PALLD: variants seen among roughly 807,000 people sequenced by gnomAD.
PALLD encodes the protein palladin, cytoskeletal associated protein.
A neutral mutation model predicts 123.5 loss-of-function variants in PALLD; 61 were observed. The observed-to-expected ratio is 0.49, with a 90% CI of 0.40 to 0.61. The LOEUF (loss-of-function observed/expected upper bound fraction) is 0.61. PALLD is among the 20% of genes least tolerant of loss of function. The pLI, the probability that PALLD is intolerant of heterozygous loss-of-function variation, is 0.00. For missense variants in PALLD, 1,273 were observed against 1,377.0 expected (o/e 0.92, Z 1.20); for synonymous variants, 465 against 496.4 (o/e 0.94, Z 0.84).
intron 2 of PALLD, chr4:168,631,536 G>C: frequency 3.5e-6 from 3 of 847,036 alleles, no homozygotes; most frequent in Non-Finnish European, 4.3e-6. Context: ...TTCCTCCCCA[G>C]GACACACCCT....
At chr4:168,847,802 T>G (rs1406073470) in intron 10 of PALLD, among the ~76,000 whole-genome samples, 1 of 152,134 alleles carries the variant, frequency 6.6e-6, no homozygotes, top group African/African-American at 2.4e-5. Flanking sequence ...ATCCTTTGTA[T>G]TACAAACAAT....
At chr4:168,685,010 C>CTT (rs1456834324) in intron 5 of PALLD, among the ~76,000 whole-genome samples, 2 of 152,214 alleles carry the variant, frequency 1.3e-5, no homozygotes, top group South Asian at 2.1e-4. Flanking sequence ...AAAAAAAATT[C>CTT]TTTTCTCTCC....
At chr4:168,563,591 A>G (rs56064524) in intron 2 of PALLD, among the ~76,000 whole-genome samples, 4,153 of 152,252 alleles carry the variant, frequency 0.027, 77 homozygotes, top group Non-Finnish European at 0.037. Flanking sequence ...ATGAATGTAG[A>G]TTTTCAAGTG....
chr4:168,507,114 CA>C (rs1762083822), intron 1 of PALLD, among the ~76,000 whole-genome samples: 1 of 152,020 alleles, frequency 6.6e-6, no homozygotes, highest in Non-Finnish European at 1.5e-5. Context: ...CCAGAGTTAC[CA>C]AAGGTCCCTC....
intron 2 of PALLD, among the ~76,000 whole-genome samples, chr4:168,633,938 C>T (rs1468858361): frequency 1.3e-5 from 2 of 152,122 alleles, no homozygotes; most frequent in Admixed American, 6.5e-5. Flanking sequence ...GCTCTTTGAA[C>T]AGTTTCTTAA....
At position 168,711,336 on chromosome 4, in the gene PALLD, G is replaced by A. The variant is rs113890768; in HGVS notation, c.1622-245G>A. On this transcript the variant is annotated intron_variant, in intron 9 of 21. Transcript: ENST00000505667. ...CTCTTGTTTGGAATTTTTATGATTCGGTAGCTGGGTTCCCCAAATGTGAGC... is the reference window on the plus strand; with the variant it reads ...CTCTTGTTTGGAATTTTTATGATTCAGTAGCTGGGTTCCCCAAATGTGAGC... Among the ~76,000 whole-genome samples the A allele has an allele frequency of 0.018, 2,702 of 152,210 alleles. 93 individuals carry two copies. The highest frequency in any genetic ancestry group is 0.14 in the South Asian group (682 of 4,812).
chr4:168,657,612 G>A (rs757735261), intron 2 of PALLD, among the ~76,000 whole-genome samples: 22 of 152,278 alleles, frequency 1.4e-4, no homozygotes, highest in Non-Finnish European at 2.4e-4. Context: ...TTATACTAAC[G>A]AGCAGCCTGT....
At chr4:168,759,242 T>C (rs1368438661) in intron 10 of PALLD, among the ~76,000 whole-genome samples, 1 of 108,708 alleles carries the variant, frequency 9.2e-6, no homozygotes, top group Non-Finnish European at 1.8e-5. Context: ...TATATATATA[T>C]ATAGAAACAA....
intron 15 of PALLD, among the ~76,000 whole-genome samples, chr4:168,913,421 G>A (rs1014306082): frequency 5.3e-5 from 8 of 152,064 alleles, no homozygotes; most frequent in Non-Finnish European, 1.0e-4. Flanking sequence ...ACAGGCATGA[G>A]CCATCGTGCC....
At chr4:168,605,928 G>C (rs530972460) in intron 2 of PALLD, among the ~76,000 whole-genome samples, 1 of 147,756 alleles carries the variant, frequency 6.8e-6, no homozygotes, top group East Asian at 2.1e-4. Context: ...TTTTTTAAGA[G>C]TTTGCCCAAT....
chr4:168,901,242 G>A (rs535315172), intron 14 of PALLD, among the ~76,000 whole-genome samples: 76 of 152,200 alleles, frequency 5.0e-4, no homozygotes, highest in Non-Finnish European at 1.3e-4. Context: ...CATGTTTAAA[G>A]AAATACATGT....
At chr4:168,820,377 A>G (rs1742547911) in intron 10 of PALLD, among the ~76,000 whole-genome samples, 1 of 152,238 alleles carries the variant, frequency 6.6e-6, no homozygotes, top group Non-Finnish European at 1.5e-5. Flanking sequence ...GCAATGGAAT[A>G]TTACGCAGCA....
chr4:168,758,836 A>T (rs1561489458), intron 10 of PALLD, among the ~76,000 whole-genome samples: 1 of 152,000 alleles, frequency 6.6e-6, no homozygotes, highest in Non-Finnish European at 1.5e-5. Flanking sequence ...CTAGACTCAC[A>T]GATCCATGGG....
intron 2 of PALLD, among the ~76,000 whole-genome samples, chr4:168,641,638 AC>A (rs1381129487): frequency 6.6e-6 from 1 of 152,034 alleles, no homozygotes; most frequent in Non-Finnish European, 1.5e-5. Context: ...ATATGCTCTC[AC>A]CCCTGATTTT....
At chr4:168,767,830 A>G (rs1733891117) in intron 10 of PALLD, among the ~76,000 whole-genome samples, 2 of 152,150 alleles carry the variant, frequency 1.3e-5, no homozygotes, top group Non-Finnish European at 2.9e-5. Flanking sequence ...TACAGGCATG[A>G]GCCACCGTGC....
At chr4:168,781,163 G>GT (rs1347318681) in intron 10 of PALLD, among the ~76,000 whole-genome samples, 1 of 152,310 alleles carries the variant, frequency 6.6e-6, no homozygotes, top group African/African-American at 2.4e-5. Context: ...CTTTTGAGTA[G>GT]TAAGTTTATC....
intron 1 of PALLD, chr4:168,505,089 A>T (rs1280153032): frequency 6.6e-6 from 1 of 152,206 alleles, no homozygotes; most frequent in Non-Finnish European, 1.5e-5. Context: ...TCTGAAGCAC[A>T]ATTTTCCAGT....
intron 3 of PALLD, among the ~76,000 whole-genome samples, chr4:168,679,238 T>G (rs1488419330): frequency 1.3e-4 from 6 of 45,270 alleles, no homozygotes; most frequent in African/African-American, 4.6e-4. Flanking sequence ...GTGGTGTGTG[T>G]GGGGTGTGTG....
chr4:168,783,673 T>C lies in PALLD; in HGVS notation c.1964+71750T>C, dbSNP rs913393928. On this transcript the variant is annotated intron_variant, in intron 10 of 21. Transcript: ENST00000505667. The stretch of plus-strand genomic sequence containing the variant: ...GTCATGAAAATTTAGAAAGTTAATA[T>C]TTGTAAAATTCCTGGAGTTGTTCCT... Among the ~76,000 whole-genome samples the C allele has an allele frequency of 2.0e-5, 3 of 152,288 alleles. No homozygotes were observed. The East Asian group carries it at 5.8e-4, about 29-fold the overall frequency.
Sources: allele counts gnomAD v4.1 joint callset (sites outside exome capture counted in the v4.1 genomes callset), GRCh38; gene constraint gnomAD v4.1.1; transcripts MANE v1.5; gene names NCBI Gene and HGNC (gene_info 2026-07-23, HGNC 2026-07-21).